The following ZNF251 variants were observed in gnomAD, a reference collection of about 807,000 sequenced individuals.
ZNF251 encodes zinc finger protein 251.
In ZNF251, 14 loss-of-function variants were observed where a neutral mutation model predicts 13.5. The ratio of observed to expected loss-of-function variants is 1.04; its 90% CI spans 0.69 to 1.63. The LOEUF (loss-of-function observed/expected upper bound fraction) is 1.63. ZNF251 is among the 40% of genes most tolerant of loss of function. The pLI is 0.00. For missense variants in ZNF251, 764 were observed against 834.9 expected (o/e 0.92, Z 1.05); for synonymous variants, 287 against 295.2 (o/e 0.97, Z 0.28).
rs1237944262 is a variant in ZNF251, at chr8:144,753,736, A to G, written c.224T>C (p.Val75Ala). ...TTCCTCAGCTCCCAGAAGATTCAGG[A>G]CCCAAAGTTCCTTCCCCTGCTCCAG... Reference protein sequence around the residue: ...SQLEQGKELWVLNLLGAEEPD... With the variant: ...SQLEQGKELWALNLLGAEEPD... The change falls in exon 4 of 5, where the codon GTC becomes GCC. Residue 75 changes from valine to alanine, a missense_variant. Transcript: ENST00000292562. 1.2e-6 allele frequency: 2 copies of G among 1,600,194 alleles called. No homozygotes were observed. Among genetic ancestry groups the G allele is most frequent in the Non-Finnish European group, 1.7e-6 (2 of 1,172,934 alleles).
intron 4 of ZNF251, among the ~76,000 whole-genome samples, chr8:144,737,633 C>T (rs1207631579): frequency 1.1e-4 from 17 of 151,890 alleles, no homozygotes; most frequent in Non-Finnish European, 2.1e-4. Context: ...GAGATCGAGA[C>T]CATCCTGGCT....
At chr8:144,738,859 G>A (rs1197370730) in intron 4 of ZNF251, among the ~76,000 whole-genome samples, 1 of 152,020 alleles carries the variant, frequency 6.6e-6, no homozygotes, top group East Asian at 1.9e-4. Context: ...CAACCTCATG[G>A]GGGCACCTGT....
intron 4 of ZNF251, among the ~76,000 whole-genome samples, chr8:144,740,280 C>T (rs908688064): frequency 2.0e-5 from 3 of 150,104 alleles, no homozygotes; most frequent in Non-Finnish European, 3.0e-5. Context: ...AGTGAAACTC[C>T]GTCTCAAAAA....
At chr8:144,731,967 G>T (rs1823710712) in intron 4 of ZNF251, among the ~76,000 whole-genome samples, 1 of 123,626 alleles carries the variant, frequency 8.1e-6, no homozygotes, top group Admixed American at 7.8e-5. Flanking sequence ...TTTTAAGACA[G>T]AGTCTTTCTC....
intron 4 of ZNF251, among the ~76,000 whole-genome samples, chr8:144,729,483 C>T (rs1053407739): frequency 1.6e-4 from 24 of 151,456 alleles, no homozygotes; most frequent in Non-Finnish European, 2.9e-4. Context: ...ACTACAGGCG[C>T]CCGCCACCAC....
intron 4 of ZNF251, among the ~76,000 whole-genome samples, chr8:144,746,456 T>C (rs1028215559): frequency 1.3e-5 from 2 of 152,242 alleles, no homozygotes; most frequent in East Asian, 1.9e-4. Context: ...TTCCTTTTCT[T>C]GTAATGTCTG....
At chr8:144,728,784 C>T (rs866805130) in intron 4 of ZNF251, among the ~76,000 whole-genome samples, 7 of 151,792 alleles carry the variant, frequency 4.6e-5, no homozygotes, top group Middle Eastern at 3.4e-3. Context: ...CGTCACAAAC[C>T]TTCAATTTGT....
chr8:144,746,289 ATTAAT>A (rs1379853204), intron 4 of ZNF251, among the ~76,000 whole-genome samples: 1 of 152,212 alleles, frequency 6.6e-6, no homozygotes, highest in African/African-American at 2.4e-5. Flanking sequence ...ATCACATTAC[ATTAAT>A]TTATTTCCTA....
In ZNF251 at chr8:144,731,769, G is replaced by A. The variant is rs982984769; in HGVS notation, c.278-8387C>T. On this transcript the variant is annotated intron_variant, in intron 4 of 4. Coordinates refer to ENST00000292562, the MANE Select transcript of ZNF251 (RefSeq NM_138367.2). Reference sequence around the variant, plus strand: ...GCCCTGCTGATTTTTTGTATTTTCAGTAGAGACAGGGTTTCACCATGCTGG... The same window carrying A: ...GCCCTGCTGATTTTTTGTATTTTCAATAGAGACAGGGTTTCACCATGCTGG... Among the ~76,000 whole-genome samples, 5 of 152,088 alleles carry A rather than the reference G, an allele frequency of 3.3e-5. 1 individual carries two copies. The highest frequency in any genetic ancestry group is 2.4e-5 in the African/African-American group (1 of 41,464).
intron 4 of ZNF251, among the ~76,000 whole-genome samples, chr8:144,724,203 A>T (rs182867550): frequency 3.1e-4 from 43 of 140,624 alleles, no homozygotes; most frequent in Middle Eastern, 7.2e-3. Flanking sequence ...CAGAGCTTGC[A>T]GTGAGCTGAG....
chr8:144,734,049 G>A lies in ZNF251; in HGVS notation c.278-10667C>T, dbSNP rs1304188216. 6.6e-6 allele frequency among the ~76,000 whole-genome samples: 1 copy of A among 152,200 alleles called. No homozygotes were observed. Among genetic ancestry groups the A allele is most frequent in the African/African-American group, 2.4e-5 (1 of 41,460 alleles). On this transcript the variant is annotated intron_variant, in intron 4 of 4. Transcript: ENST00000292562. The surrounding 1 kb of genome is among the most constrained non-coding windows in gnomAD (Gnocchi z 4.4). ...GCCAGATGCCTAAACTGTGCAGCCT[G>A]AATGACTGTTGGGCAGGTAAGCGTG...
At position 144,755,423 on chromosome 8, in the gene ZNF251, G is replaced by T. The variant is rs1408936536; in HGVS notation, c.-94C>A. The T allele has an allele frequency of 4.7e-6, 6 of 1,288,170 alleles. No individual in the cohort carries two copies. The African/African-American group carries it at 7.6e-5, about 16-fold the overall frequency. 79.8% of individuals were successfully genotyped at this position (1,288,170 alleles called of 1,614,324 possible). A position where few individuals can be genotyped will look rare whatever the true frequency, so the allele number is the denominator to read the frequency against. On this transcript the variant is annotated 5_prime_UTR_variant, in exon 1 of 5. Transcript: ENST00000292562. ...GCCCCACCTGTTTGCTCGACCCGGGGAAGCCACCGAGGAAGCGCCGAGGAG... is the reference window on the plus strand; with the variant it reads ...GCCCCACCTGTTTGCTCGACCCGGGTAAGCCACCGAGGAAGCGCCGAGGAG...
At chr8:144,725,416 G>A (rs991095522) in intron 4 of ZNF251, among the ~76,000 whole-genome samples, 5 of 151,960 alleles carry the variant, frequency 3.3e-5, no homozygotes, top group Admixed American at 2.0e-4. Flanking sequence ...TCAGGCTCCC[G>A]AGTAGCTGGG....
intron 4 of ZNF251, among the ~76,000 whole-genome samples, chr8:144,729,475 T>C (rs1289388726): frequency 2.6e-5 from 4 of 151,540 alleles, no homozygotes; most frequent in Non-Finnish European, 4.4e-5. Flanking sequence ...TAGCTGGGAC[T>C]ACAGGCGCCC....
intron 4 of ZNF251, among the ~76,000 whole-genome samples, chr8:144,741,905 G>C (rs574594159): frequency 6.6e-6 from 1 of 152,310 alleles, no homozygotes; most frequent in East Asian, 1.9e-4. Context: ...AGACCAGAGA[G>C]AGAATGGTAC....
chr8:144,730,008 C>T (rs1465597578), intron 4 of ZNF251: 1 of 984,722 alleles, frequency 1.0e-6, no homozygotes, highest in Non-Finnish European at 1.2e-6. Flanking sequence ...GCGTTGTTCC[C>T]AGGAGCGGGT....
At chr8:144,736,254 G>A (rs1363990580) in intron 4 of ZNF251, among the ~76,000 whole-genome samples, 1 of 152,134 alleles carries the variant, frequency 6.6e-6, no homozygotes, top group African/African-American at 2.4e-5. Context: ...CCCTTAGCCT[G>A]GGGACTTGGT....
At position 144,721,639 on chromosome 8, in the gene ZNF251, T is replaced by A. The variant is rs1351648889; in HGVS notation, c.*5A>T. The A allele has an allele frequency of 1.5e-6, 2 of 1,338,920 alleles. No homozygotes were observed. Among genetic ancestry groups the A allele is most frequent in the African/African-American group, 1.5e-5 (1 of 67,618 alleles). 82.9% of individuals were successfully genotyped at this position (1,338,920 alleles called of 1,614,324 possible). On this transcript the variant is annotated 3_prime_UTR_variant, in exon 5 of 5. Transcript: ENST00000292562. ...GTTGCTAAACTGTCTTCTGCATTTA[T>A]CACATTAAAAATGTCTTTCTTGGAA...
chr8:144,752,431 A>C (rs1278192432), intron 4 of ZNF251, among the ~76,000 whole-genome samples: 1 of 152,244 alleles, frequency 6.6e-6, no homozygotes, highest in Non-Finnish European at 1.5e-5. Context: ...ATGCATGTCC[A>C]AATAATCATT....
Sources: allele counts gnomAD v4.1 joint callset (sites outside exome capture counted in the v4.1 genomes callset), GRCh38; gene constraint gnomAD v4.1.1; non-coding constraint Gnocchi (gnomAD v3.1); transcripts MANE v1.5; gene names NCBI Gene and HGNC (gene_info 2026-07-23, HGNC 2026-07-21).